Variants in SCAPER observed in about 807,000 individuals in gnomAD.
The protein encoded by SCAPER is S phase cyclin A-associated protein in the endoplasmic reticulum.
In SCAPER, 98 loss-of-function variants were observed where a neutral mutation model predicts 182.2. The observed-to-expected ratio is 0.54, with a 90% CI of 0.46 to 0.64. SCAPER has a LOEUF of 0.64. Ranked by LOEUF, SCAPER falls within the 30% of genes least tolerant of loss-of-function variation. SCAPER has a pLI of 0.00. For missense variants in SCAPER, 1,432 were observed against 1,690.0 expected, an observed-to-expected ratio of 0.85 and a Z score of 2.68; for synonymous variants, 605 against 564.6, an observed-to-expected ratio of 1.07 and a Z score of -1.01.
intron 21 of SCAPER, among the ~76,000 whole-genome samples, chr15:76,626,085 C>T (rs1487774416): frequency 6.6e-6 from 1 of 152,048 alleles, no homozygotes; most frequent in South Asian, 2.1e-4. Context: ...GGGCCACATG[C>T]GGCCTGCAGG....
At position 76,666,897 on chromosome 15, in the gene SCAPER, A is replaced by C. The variant is rs566821396; in HGVS notation, c.2509-1108T>G. On this transcript the variant is annotated intron_variant, in intron 20 of 31. Coordinates refer to ENST00000563290, the MANE Select transcript of SCAPER (RefSeq NM_020843.4). The stretch of plus-strand genomic sequence containing the variant: ...AATATATGAACACCTGTTCCTATCT[A>C]AGAGCAAGTCCTCCAAATATAAACT... Among the ~76,000 whole-genome samples the C allele has an allele frequency of 3.3e-5, 5 of 152,306 alleles. No homozygotes were observed. In the East Asian group the frequency reaches 9.6e-4, roughly 29 times the overall value.
At chr15:76,489,512 A>T (rs778522984) in intron 24 of SCAPER, among the ~76,000 whole-genome samples, 27 of 151,904 alleles carry the variant, frequency 1.8e-4, no homozygotes, top group Non-Finnish European at 1.6e-4. Context: ...TGTCATATAC[A>T]TGGAATTGTG....
intron 23 of SCAPER, among the ~76,000 whole-genome samples, chr15:76,539,588 AG>A (rs1341146102): frequency 7.9e-6 from 1 of 126,216 alleles, no homozygotes; most frequent in Non-Finnish European, 1.6e-5. Context: ...ACTGTCTCCC[AG>A]GCTGGAGTGC....
chr15:76,795,162 G>A, intron 8 of SCAPER, 118 bp downstream of exon 8: 1 of 931,726 alleles, frequency 1.1e-6, no homozygotes, highest in Non-Finnish European at 1.5e-6. Flanking sequence ...TTTAATTATG[G>A]TAAATTAATA....
Position 76,504,867 on chromosome 15 carries a change from A to C in SCAPER, c.2946T>G (p.Ile982Met). 2 of 1,606,348 alleles carry C rather than the reference A, an allele frequency of 1.2e-6. No individual in the cohort carries two copies. The highest frequency in any genetic ancestry group is 1.7e-6 in the Non-Finnish European group (2 of 1,177,082). Residue 982 changes from isoleucine to methionine, a missense_variant, in exon 24 of 32, where the codon ATT (isoleucine) becomes ATG (methionine). By Grantham distance (10) the Ile-to-Met change is conservative. Coordinates refer to ENST00000563290, the MANE Select transcript of SCAPER (RefSeq NM_020843.4). Reference protein sequence around the residue: ...PATNVNTVLRIPPKSLCNAIN... With the variant: ...PATNVNTVLRMPPKSLCNAIN... ...TAAGAAACTATACTTACTTAGGAGG[A>C]ATTCTTAAAACTGTGTTCACATTTG... is the stretch of plus-strand genomic sequence containing the variant.
chr15:76,583,194 T>C (rs566980530), intron 22 of SCAPER, among the ~76,000 whole-genome samples: 15 of 151,732 alleles, frequency 9.9e-5, no homozygotes, highest in South Asian at 6.3e-4. Context: ...CTACTAAAAA[T>C]TAAAAAATTA....
chr15:76,355,608 G>A (rs2040903014), intron 29 of SCAPER, among the ~76,000 whole-genome samples: 1 of 151,338 alleles, frequency 6.6e-6, no homozygotes, highest in Admixed American at 6.6e-5. Flanking sequence ...GATCTTCATT[G>A]TTAAAACGCT....
At chr15:76,477,487 C>G (rs2050747917) in intron 24 of SCAPER, among the ~76,000 whole-genome samples, 2 of 152,112 alleles carry the variant, frequency 1.3e-5, no homozygotes, top group Admixed American at 6.6e-5. Flanking sequence ...ACCACTCTGC[C>G]TTCTTCCCTA....
intron 14 of SCAPER, among the ~76,000 whole-genome samples, chr15:76,762,403 T>C (rs774011297): frequency 6.6e-6 from 1 of 151,380 alleles, no homozygotes; most frequent in Non-Finnish European, 1.5e-5. Context: ...GTTTGATTTC[T>C]CTTTAGCATT....
chr15:76,871,740 G>A (rs1456566161), intron 2 of SCAPER, among the ~76,000 whole-genome samples: 4 of 151,774 alleles, frequency 2.6e-5, no homozygotes, highest in South Asian at 2.1e-4. Context: ...ACAGGCACAC[G>A]CCACCATGCT....
Position 76,471,301 on chromosome 15 carries a change from T to A in SCAPER, c.2989A>T (p.Thr997Ser). ...LCNAINVYNL[T>S]CNNCSENCSD... ...CAGTTTTCTGAACAGTTATTGCAGGTGAGGTTGTAAACATTGATTGCATTG... is the reference window on the plus strand; with the variant it reads ...CAGTTTTCTGAACAGTTATTGCAGGAGAGGTTGTAAACATTGATTGCATTG... The change falls in exon 25 of 32, where the codon ACC becomes TCC. Residue 997 changes from threonine (T) to serine (S), a missense_variant. Physicochemically the swap from Thr to Ser is moderately conservative, Grantham distance 58. Around this residue, in one of 5 missense-constraint regions of SCAPER, gnomAD observed 718 missense variants for 799.7 expected, o/e 0.90. Coordinates refer to ENST00000563290, the MANE Select transcript of SCAPER (RefSeq NM_020843.4). The A allele has an allele frequency of 1.2e-6, 2 of 1,611,684 alleles. No individual in the cohort carries two copies. Among genetic ancestry groups the A allele is most frequent in the South Asian group, 2.2e-5 (2 of 90,650 alleles).
intron 23 of SCAPER, among the ~76,000 whole-genome samples, chr15:76,569,439 A>C (rs868720766): frequency 6.6e-6 from 1 of 152,180 alleles, no homozygotes; most frequent in Non-Finnish European, 1.5e-5. Flanking sequence ...CAGTTTGCTA[A>C]AATTTTGTTT....
At chr15:76,486,785 A>G (rs529688354) in intron 24 of SCAPER, among the ~76,000 whole-genome samples, 1 of 152,330 alleles carries the variant, frequency 6.6e-6, no homozygotes, top group South Asian at 2.1e-4. Flanking sequence ...TAGTGTGGCG[A>G]TTCCTCAAAG....
intron 23 of SCAPER, chr15:76,567,213 C>T: frequency 2.8e-6 from 1 of 355,686 alleles, no homozygotes; most frequent in East Asian, 8.4e-5. Flanking sequence ...ATATTGTTAT[C>T]CACAGATGTA....
In SCAPER at chr15:76,383,536, C is replaced by T. The variant is rs2043106593; in HGVS notation, c.3468-1921G>A. On this transcript the variant is annotated intron_variant, in intron 27 of 31. Transcript: ENST00000563290. The stretch of plus-strand genomic sequence containing the variant: ...AAGCTCTCTTATGAAATACTGTCAT[C>T]TTATTTATATGGCAGGATCTGCCAA... Among the ~76,000 whole-genome samples, 4 of 152,228 alleles carry T rather than the reference C, an allele frequency of 2.6e-5. No homozygotes were observed. In the South Asian group the frequency reaches 6.2e-4, roughly 24 times the overall value.
At chr15:76,484,355 A>T (rs758275001) in intron 24 of SCAPER, among the ~76,000 whole-genome samples, 1 of 152,186 alleles carries the variant, frequency 6.6e-6, no homozygotes, top group African/African-American at 2.4e-5. Context: ...AGAGAATATT[A>T]TGAACACATC....
intron 8 of SCAPER, among the ~76,000 whole-genome samples, chr15:76,789,540 T>C (rs1184907938): frequency 6.6e-6 from 1 of 152,184 alleles, no homozygotes; most frequent in Non-Finnish European, 1.5e-5. Flanking sequence ...GAGAGGAGTA[T>C]ATCAAACTAG....
At chr15:76,525,684 T>A (rs573188723) in intron 23 of SCAPER, among the ~76,000 whole-genome samples, 139 of 152,226 alleles carry the variant, frequency 9.1e-4, no homozygotes, top group Non-Finnish European at 1.8e-3. Flanking sequence ...GCAAAGGACA[T>A]GATTTCATTC....
chr15:76,448,846 A>C (rs2048181727), intron 25 of SCAPER, among the ~76,000 whole-genome samples: 1 of 152,176 alleles, frequency 6.6e-6, no homozygotes, highest in African/African-American at 2.4e-5. Context: ...GGAAATGAAA[A>C]GAATGGATGC....
Sources: gnomAD v4.1 joint callset for allele counts (sites outside exome capture counted in the v4.1 genomes callset) on GRCh38, gnomAD v4.1.1 for gene constraint, gnomAD v4.1.1 regional missense constraint, MANE v1.5 for transcripts, NCBI Gene and HGNC (gene_info 2026-07-23, HGNC 2026-07-21) for gene names.